The following PBX1 variants were observed in gnomAD, a reference collection of about 807,000 sequenced individuals.
PBX1 encodes the protein pre-B-cell leukemia transcription factor 1.
In PBX1, 6 loss-of-function variants were observed where a neutral mutation model predicts 53.4. The observed-to-expected ratio is 0.11, with a 90% CI of 0.06 to 0.22. PBX1 has a LOEUF of 0.22. Ranked by LOEUF, PBX1 falls within the 10% of genes least tolerant of loss-of-function variation. The pLI is 1.00. For synonymous variants in PBX1, 204 were observed against 212.3 expected (o/e 0.96, Z 0.34); for missense variants, 251 against 551.4 (o/e 0.46, Z 5.46).
intron 2 of PBX1, among the ~76,000 whole-genome samples, chr1:164,628,218 T>C (rs1232325219): frequency 1.3e-5 from 2 of 152,260 alleles, no homozygotes; most frequent in Non-Finnish European, 1.5e-5. Flanking sequence ...TTTAAATTGC[T>C]AAGTTTTCTA....
At chr1:164,645,942 G>C (rs1418412534) in intron 2 of PBX1, among the ~76,000 whole-genome samples, 1 of 152,202 alleles carries the variant, frequency 6.6e-6, no homozygotes, top group Admixed American at 6.5e-5. Context: ...CCAAGCCTCA[G>C]AAGACACAGA....
chr1:164,579,414 A>G (rs908061952), intron 2 of PBX1, among the ~76,000 whole-genome samples: 15 of 152,046 alleles, frequency 9.9e-5, no homozygotes, highest in African/African-American at 3.4e-4. Flanking sequence ...GCCTTGTGTC[A>G]TTAGACCACC....
At chr1:164,816,812 T>C (rs1170426158) in intron 6 of PBX1, 1 of 150,932 alleles carries the variant, frequency 6.6e-6, no homozygotes, top group Admixed American at 6.6e-5. Flanking sequence ...TATTTTTGGA[T>C]TATGAAGTTA....
At chr1:164,882,379 G>T (rs2102467296) in intron 2 of PBX1, among the ~76,000 whole-genome samples, 1 of 152,222 alleles carries the variant, frequency 6.6e-6, no homozygotes, top group South Asian at 2.1e-4. Flanking sequence ...TGATTTCTTA[G>T]ATTCTGTTTA....
rs1671786096 is a variant in PBX1 at position 164,850,559 on chromosome 1, T to C, written c.*3883T>C. ...AGGATTATGATCTTGCTGTTTTTCTTCAATATGTATACAAGGTGATGTGAA... is the reference window on the plus strand; with the variant it reads ...AGGATTATGATCTTGCTGTTTTTCTCCAATATGTATACAAGGTGATGTGAA... On this transcript the variant is annotated 3_prime_UTR_variant, in exon 9 of 9. Transcript: ENST00000420696. 1 of 192,720 alleles carries C rather than the reference T, an allele frequency of 5.2e-6. No individual in the cohort carries two copies. The highest frequency in any genetic ancestry group is 1.1e-5 in the Non-Finnish European group (1 of 92,264). 11.9% of individuals were successfully genotyped at this position (192,720 alleles called of 1,614,324 possible).
chr1:164,761,732 C>T (rs367992355), intron 2 of PBX1, among the ~76,000 whole-genome samples: 122 of 152,268 alleles, frequency 8.0e-4, no homozygotes, highest in Admixed American at 1.4e-3. Flanking sequence ...CGTGAGCCAC[C>T]GCGCCCGGCC....
At chr1:164,644,534 T>A (rs2101907155) in intron 2 of PBX1, among the ~76,000 whole-genome samples, 1 of 151,982 alleles carries the variant, frequency 6.6e-6, no homozygotes, top group Middle Eastern at 3.4e-3. Flanking sequence ...GGCAAAACAA[T>A]TCCTAAATCT....
chr1:164,667,839 A>G (rs766768014), intron 2 of PBX1, among the ~76,000 whole-genome samples: 1 of 152,190 alleles, frequency 6.6e-6, no homozygotes, highest in Non-Finnish European at 1.5e-5. Context: ...TCTCAGGACA[A>G]CAAGGCTCGA....
chr1:164,803,002 G>A (rs376082479), intron 4 of PBX1, among the ~76,000 whole-genome samples: 78 of 152,036 alleles, frequency 5.1e-4, no homozygotes, highest in Non-Finnish European at 8.1e-4. Context: ...TTAAAAGTAC[G>A]TCTGTATACT....
At chr1:164,712,500 A>G (rs755349080) in intron 2 of PBX1, among the ~76,000 whole-genome samples, 43 of 152,308 alleles carry the variant, frequency 2.8e-4, no homozygotes, top group African/African-American at 7.0e-4. Flanking sequence ...CAGGAGCCCA[A>G]TCGAGTGGTA....
intron 2 of PBX1, among the ~76,000 whole-genome samples, chr1:164,778,530 G>A (rs561700487): frequency 5.9e-5 from 9 of 152,150 alleles, no homozygotes; most frequent in Admixed American, 5.9e-4. Context: ...CCAGCTACTT[G>A]GGAGGCTGAT....
chr1:164,664,257 T>C (rs376578165), intron 2 of PBX1, among the ~76,000 whole-genome samples: 12 of 152,336 alleles, frequency 7.9e-5, no homozygotes, highest in African/African-American at 2.9e-4. Flanking sequence ...GCGGACCATG[T>C]CTAGGTGTCT....
chr1:164,773,602 G>A (rs955634180), intron 2 of PBX1, among the ~76,000 whole-genome samples: 1 of 151,548 alleles, frequency 6.6e-6, no homozygotes, highest in Non-Finnish European at 1.5e-5. Context: ...TGTCTTAAGG[G>A]ATAAGCTAGT....
chr1:164,590,314 C>T (rs749519609), intron 2 of PBX1: 1 of 455,548 alleles, frequency 2.2e-6, no homozygotes, highest in South Asian at 1.5e-5. Flanking sequence ...CTTGATTGTC[C>T]CAGCCTCATT....
chr1:164,693,032 G>T (rs1662583549), intron 2 of PBX1, among the ~76,000 whole-genome samples: 1 of 152,202 alleles, frequency 6.6e-6, no homozygotes, highest in African/African-American at 2.4e-5. Flanking sequence ...CTATGTGGTT[G>T]GGACCTTCCC....
intron 2 of PBX1, among the ~76,000 whole-genome samples, chr1:164,709,373 G>GACAAAGCTT (rs1215686003): frequency 2.6e-5 from 4 of 151,942 alleles, no homozygotes; most frequent in African/African-American, 9.7e-5. Flanking sequence ...GACAAAGCTG[G>GACAAAGCTT]GTCCATTGAA....
At chr1:164,634,218 T>C (rs1658595750) in intron 2 of PBX1, among the ~76,000 whole-genome samples, 1 of 152,116 alleles carries the variant, frequency 6.6e-6, no homozygotes, top group Non-Finnish European at 1.5e-5. Context: ...AATTGTGGGG[T>C]TTCTGTGAGG....
intron 2 of PBX1, among the ~76,000 whole-genome samples, chr1:164,781,477 G>C (rs552120067): frequency 1.3e-5 from 2 of 152,272 alleles, no homozygotes; most frequent in South Asian, 4.1e-4. Context: ...CAGGTACTCA[G>C]CCTAAAGTAA....
chr1:164,560,123 A>C, intron 1 of PBX1, 110 bp downstream of exon 1: 1 of 819,876 alleles, frequency 1.2e-6, no homozygotes, highest in East Asian at 3.3e-5. Context: ...GAAAAATGTT[A>C]TTTCTTTTCT....
Sources: gnomAD v4.1 joint callset for allele counts (sites outside exome capture counted in the v4.1 genomes callset) on GRCh38, gnomAD v4.1.1 for gene constraint, MANE v1.5 for transcripts, NCBI Gene and HGNC (gene_info 2026-07-23, HGNC 2026-07-21) for gene names.